Variants in SRCIN1 observed in about 807,000 individuals in gnomAD.
SRCIN1 encodes the protein P130Cas-associated protein.
Under a neutral mutation model 116.2 loss-of-function variants are expected in SRCIN1, and 50 were observed. That is an observed-to-expected ratio of 0.43 (90% confidence interval 0.34 to 0.54). The LOEUF (loss-of-function observed/expected upper bound fraction) is 0.54. SRCIN1 is among the 20% of genes least tolerant of loss of function. The pLI, the probability that SRCIN1 is intolerant of heterozygous loss-of-function variation, is 0.02. For missense variants in SRCIN1, 1,446 were observed against 1,672.0 expected, an observed-to-expected ratio of 0.86 and a Z score of 2.36; for synonymous variants, 736 against 750.0, an observed-to-expected ratio of 0.98 and a Z score of 0.30.
At position 38,564,298 on chromosome 17, in the gene SRCIN1, G is replaced by A; in HGVS notation, c.361C>T (p.His121Tyr). ...YWSFKTRSSR[H>Y]TQGAQPGLAD... ...AGCCCGGGCTGGGCTCCCTGAGTGT[G>A]GCGTGAGCTGCGGGTCTGCAGGGGC... Residue 121 changes from histidine (H) to tyrosine (Y), a missense_variant, in exon 4 of 19, where the codon CAC becomes TAC. Physicochemically the swap from His to Tyr is moderately conservative, Grantham distance 83. Coordinates refer to ENST00000617146, the MANE Select transcript of SRCIN1 (RefSeq NM_025248.3). 2 of 1,561,694 alleles carry A rather than the reference G, an allele frequency of 1.3e-6. No homozygotes were observed. The highest frequency in any genetic ancestry group is 8.6e-7 in the Non-Finnish European group (1 of 1,157,746).
At chr17:38,540,295 C>T (rs1262532503) in intron 18 of SRCIN1, among the ~76,000 whole-genome samples, 4 of 152,158 alleles carry the variant, frequency 2.6e-5, no homozygotes, top group Non-Finnish European at 5.9e-5. Context: ...CTTTCTTACT[C>T]CCAATTTCTG....
rs1011082900 is a variant in SRCIN1, at chr17:38,604,581, G to T, written c.22+1103C>A. On this transcript the variant is annotated intron_variant, in intron 1 of 18. Transcript: ENST00000617146. This position sits in a 1 kb window ranked among gnomAD's most constrained non-coding sequence, Gnocchi z 4.3. The stretch of plus-strand genomic sequence containing the variant: ...TCCCACCAGGCCAGGGCAAAGCGCC[G>T]GAGGCACTGCCAGGGCTGCATGGGG... 3.3e-5 allele frequency: 15 copies of T among 452,640 alleles called. No homozygotes were observed. The highest frequency in any genetic ancestry group is 9.5e-5 in the Admixed American group (4 of 42,308). The allele number at this position is 452,640 out of a possible 1,614,324, so 28.0% of individuals were successfully genotyped here.
chr17:38,581,433 G>GA (rs140182953), intron 1 of SRCIN1, among the ~76,000 whole-genome samples: 13 of 106,670 alleles, frequency 1.2e-4, no homozygotes, highest in Non-Finnish European at 1.7e-4. Context: ...AAAGAAAAAA[G>GA]AAAAAAAAAA....
chr17:38,594,608 T>C (rs1908620065), intron 1 of SRCIN1, among the ~76,000 whole-genome samples: 1 of 144,212 alleles, frequency 6.9e-6, no homozygotes, highest in Non-Finnish European at 1.6e-5. Flanking sequence ...GCCCCTGCTG[T>C]GGGCCAAGTC....
chr17:38,606,318 A>G (rs1335030560), upstream of SRCIN1, among the ~76,000 whole-genome samples: 4 of 145,160 alleles, frequency 2.8e-5, no homozygotes, highest in African/African-American at 1.0e-4. This position sits in a 1 kb window ranked among gnomAD's most constrained non-coding sequence, Gnocchi z 5.2. Context: ...GGGCGCGCCT[A>G]GGGATGGAAA....
intron 2 of SRCIN1, chr17:38,574,865 G>T (rs773388171): frequency 5.0e-6 from 2 of 400,780 alleles, no homozygotes; most frequent in African/African-American, 2.1e-5. Context: ...GGGTGGAGGT[G>T]GGTGACTCAC....
At chr17:38,596,641 C>G (rs1182980810) in intron 1 of SRCIN1, among the ~76,000 whole-genome samples, 3 of 152,084 alleles carry the variant, frequency 2.0e-5, no homozygotes, top group Non-Finnish European at 2.9e-5. Context: ...TGCCATCATT[C>G]CCCTGGTGAC....
At position 38,535,606 on chromosome 17, in the gene SRCIN1, C is replaced by A. The variant is rs1257362284; in HGVS notation, c.3418-2175G>T. On this transcript the variant is annotated intron_variant, in intron 18 of 18. Transcript: ENST00000617146. ...CACAGGGTCGTCAGATTCACGCAGT[C>A]CTCAGCATGTGTCAGGCATGGCCCC... 3.9e-5 allele frequency among the ~76,000 whole-genome samples: 6 copies of A among 152,314 alleles called. No individual in the cohort carries two copies. The East Asian group carries it at 1.2e-3, about 29-fold the overall frequency.
upstream of SRCIN1, among the ~76,000 whole-genome samples, chr17:38,606,817 C>T (rs1040810532): frequency 1.3e-5 from 2 of 152,246 alleles, no homozygotes; most frequent in African/African-American, 4.8e-5. The surrounding 1 kb of genome is among the most constrained non-coding windows in gnomAD (Gnocchi z 5.2). Flanking sequence ...AGACCCAGGC[C>T]CGCGCCGACA....
chr17:38,570,822 C>G (rs578225047), intron 2 of SRCIN1, among the ~76,000 whole-genome samples: 17 of 152,328 alleles, frequency 1.1e-4, no homozygotes, highest in African/African-American at 4.1e-4. Context: ...GCATCAGTGC[C>G]ATAGGAAAGG....
In SRCIN1 at chr17:38,562,716, T is replaced by A; in HGVS notation, c.834+111A>T. Reference sequence around the variant, plus strand: ...CTCTTCCCTAACCCCTCAGCCCCTATGCTGTCTTCTCCAAAGCTGGCCCTG... The same window carrying A: ...CTCTTCCCTAACCCCTCAGCCCCTAAGCTGTCTTCTCCAAAGCTGGCCCTG... On this transcript the variant is annotated intron_variant, in intron 6 of 18. Coordinates refer to ENST00000617146, the MANE Select transcript of SRCIN1 (RefSeq NM_025248.3). The surrounding 1 kb of genome is among the most constrained non-coding windows in gnomAD (Gnocchi z 4.2). The A allele has an allele frequency of 2.1e-6, 2 of 938,020 alleles. No homozygotes were observed. The highest frequency in any genetic ancestry group is 1.5e-5 in the South Asian group (1 of 68,934). 58.1% of individuals were successfully genotyped at this position (938,020 alleles called of 1,614,324 possible).
Position 38,552,703 on chromosome 17 carries a change from C to A in SRCIN1, c.2332+22G>T, listed in dbSNP as rs1905514786. The A allele has an allele frequency of 6.2e-7, 1 of 1,613,212 alleles. No individual in the cohort carries two copies. The highest frequency in any genetic ancestry group is 8.5e-7 in the Non-Finnish European group (1 of 1,179,510). The stretch of plus-strand genomic sequence containing the variant: ...CTTCCCCACCCTGAACAACGTGCTG[C>A]ATTCGCAGGCCCCAGACCCACCCTT... On this transcript the variant is annotated intron_variant, in intron 12 of 18. Transcript: ENST00000617146. The surrounding 1 kb of genome is among the most constrained non-coding windows in gnomAD (Gnocchi z 5.3).
chr17:38,569,088 G>A (rs1765803731), intron 2 of SRCIN1, among the ~76,000 whole-genome samples: 2 of 152,172 alleles, frequency 1.3e-5, no homozygotes, highest in Admixed American at 1.3e-4. Flanking sequence ...GGGAGTTGGG[G>A]AGACTGGGGA....
chr17:38,536,141 T>C (rs963614900), intron 18 of SRCIN1, among the ~76,000 whole-genome samples: 1 of 152,208 alleles, frequency 6.6e-6, no homozygotes, highest in African/African-American at 2.4e-5. Flanking sequence ...CGCTTCTTCA[T>C]GGAGACCACT....
chr17:38,578,461 G>C lies in SRCIN1; in HGVS notation c.324+29C>G, dbSNP rs1218109455. On this transcript the variant is annotated intron_variant, in intron 2 of 18. Coordinates refer to ENST00000617146, the MANE Select transcript of SRCIN1 (RefSeq NM_025248.3). ...CCCCTGCCCGCTGGCCGCGGCCGCAGCCGCAGCCGCAGCCGGGAGCCCACT... is the reference window on the plus strand; with the variant it reads ...CCCCTGCCCGCTGGCCGCGGCCGCACCCGCAGCCGCAGCCGGGAGCCCACT... 1.9e-6 allele frequency: 3 copies of C among 1,546,082 alleles called. No homozygotes were observed. In the Middle Eastern group the frequency reaches 5.4e-4, roughly 279 times the overall value.
intron 3 of SRCIN1, among the ~76,000 whole-genome samples, chr17:38,566,821 G>C (rs532475146): frequency 5.4e-5 from 8 of 148,576 alleles, no homozygotes; most frequent in Admixed American, 3.3e-4. Flanking sequence ...GGCACTGCCT[G>C]GAACATGCAT....
chr17:38,567,990 G>A (rs7208003), intron 3 of SRCIN1, among the ~76,000 whole-genome samples: 22,311 of 152,214 alleles, frequency 0.15, 1,722 homozygotes, highest in African/African-American at 0.18. Context: ...ATCCCCAGCA[G>A]GGGTGGCCCA....
Position 38,533,428 on chromosome 17 carries a change from T to C in SRCIN1, c.3421A>G (p.Thr1141Ala). ...CCGCTCATCTCTTTAGATGGTTTAG[T>C]GGCCTGGAACAAAAACAGGGGTCAG... ...YMRIQAQQQA[T>A]KPSKEMSGSN... The change falls in exon 19 of 19, where the codon ACT becomes GCT. Residue 1141 changes from threonine (T) to alanine (A), a missense_variant. Physicochemically the swap from Thr to Ala is moderately conservative, Grantham distance 58. This residue lies in a region of SRCIN1 where 531 missense variants were observed against 633.9 expected (regional missense o/e 0.84). Transcript: ENST00000617146. 1 of 1,612,716 alleles carries C rather than the reference T, an allele frequency of 6.2e-7. No homozygotes were observed. The highest frequency in any genetic ancestry group is 1.1e-5 in the South Asian group (1 of 90,800).
chr17:38,552,803 G>T lies in SRCIN1; in HGVS notation c.2254C>A (p.Arg752=), dbSNP rs756518303. 1 of 1,613,998 alleles carries T rather than the reference G, an allele frequency of 6.2e-7. No homozygotes were observed. The highest frequency in any genetic ancestry group is 1.7e-5 in the Admixed American group (1 of 60,030). Residue 752 remains arginine, a synonymous_variant, in exon 12 of 19, where the codon CGG becomes AGG. Coordinates refer to ENST00000617146, the MANE Select transcript of SRCIN1 (RefSeq NM_025248.3). This position sits in a 1 kb window ranked among gnomAD's most constrained non-coding sequence, Gnocchi z 5.3. ...TCCAGCTCAGGGCCGGGCACCAGCC[G>T]GTGGTTGTGGGACACGTCTCTCTGG... The part of the protein sequence containing the change: ...KIQRDVSHNH[R]LVPGPELEEK...
Sources: gnomAD v4.1 joint callset for allele counts (sites outside exome capture counted in the v4.1 genomes callset) on GRCh38, gnomAD v4.1.1 for gene constraint, gnomAD v4.1.1 regional missense constraint, Gnocchi (gnomAD v3.1) non-coding constraint, MANE v1.5 for transcripts, NCBI Gene and HGNC (gene_info 2026-07-23, HGNC 2026-07-21) for gene names.